The following CDKAL1 variants were observed in gnomAD, a reference collection of about 807,000 sequenced individuals.
CDKAL1 encodes the protein threonylcarbamoyladenosine tRNA methylthiotransferase.
CDKAL1 carries 32 observed loss-of-function variants against 68.2 expected under a neutral mutation model. The observed-to-expected ratio is 0.47, with a 90% confidence interval of 0.35 to 0.63. The LOEUF (loss-of-function observed/expected upper bound fraction) is 0.63. Among genes scored for constraint, CDKAL1 ranks in the 30% least tolerant of loss-of-function variants. The pLI, the probability that CDKAL1 is intolerant of heterozygous loss-of-function variation, is 0.00. For missense variants in CDKAL1, 606 were observed against 696.7 expected (o/e 0.87, Z 1.47); for synonymous variants, 234 against 244.3 (o/e 0.96, Z 0.39).
chr6:21,160,636 G>C (rs1406341177), intron 13 of CDKAL1, among the ~76,000 whole-genome samples: 3 of 123,324 alleles, frequency 2.4e-5, no homozygotes, highest in African/African-American at 6.0e-5. Flanking sequence ...TTTGGACACA[G>C]ACACACACAC....
intron 12 of CDKAL1, among the ~76,000 whole-genome samples, chr6:21,065,877 G>T (rs572257858): frequency 9.9e-5 from 15 of 151,658 alleles, no homozygotes; most frequent in African/African-American, 3.6e-4. Context: ...GGCTGAATAC[G>T]GGCAAATGTA....
chr6:21,203,138 C>A (rs1778755394), intron 15 of CDKAL1, among the ~76,000 whole-genome samples: 1 of 151,114 alleles, frequency 6.6e-6, no homozygotes, highest in African/African-American at 2.4e-5. Flanking sequence ...CAAACTCTGC[C>A]TCCTGGGCGC....
intron 7 of CDKAL1, among the ~76,000 whole-genome samples, chr6:20,768,734 A>T (rs561245827): frequency 2.8e-4 from 43 of 152,038 alleles, no homozygotes; most frequent in African/African-American, 9.6e-4. Flanking sequence ...GAGCATGTTT[A>T]TTTTCAGGAC....
At chr6:21,084,760 G>A (rs979016740) in intron 12 of CDKAL1, among the ~76,000 whole-genome samples, 1 of 152,198 alleles carries the variant, frequency 6.6e-6, no homozygotes, top group African/African-American at 2.4e-5. Flanking sequence ...AATTCCAGTT[G>A]GTTTTGGAAT....
At chr6:20,966,905 G>T (rs1048217302) in intron 10 of CDKAL1, among the ~76,000 whole-genome samples, 1 of 151,672 alleles carries the variant, frequency 6.6e-6, no homozygotes, top group Non-Finnish European at 1.5e-5. Flanking sequence ...TTATTTTTTT[G>T]TTGTTGTTTC....
chr6:21,006,083 C>T (rs1046461664), intron 11 of CDKAL1, among the ~76,000 whole-genome samples: 1 of 152,112 alleles, frequency 6.6e-6, no homozygotes, highest in African/African-American at 2.4e-5. Context: ...ACCTACTTTT[C>T]CAGTCTATCT....
rs139634089 is a variant in CDKAL1, at chr6:20,970,593, G to A, written c.909+15008G>A. Among the ~76,000 whole-genome samples the A allele has an allele frequency of 3.9e-3, 593 of 152,266 alleles. 2 individuals carry two copies. The highest frequency in any genetic ancestry group is 6.8e-3 in the Non-Finnish European group (460 of 68,008). ...TTCTTGCTTAATTTTTGTGCTGCAT[G>A]TCAAAGGTGCATCAATCACTTATGG... On this transcript the variant is annotated intron_variant, in intron 10 of 15. Transcript: ENST00000274695.
At chr6:20,921,731 C>T (rs928369198) in intron 9 of CDKAL1, among the ~76,000 whole-genome samples, 1 of 152,110 alleles carries the variant, frequency 6.6e-6, no homozygotes, top group East Asian at 1.9e-4. Context: ...ATTTCATTGC[C>T]TATTGGTGAT....
intron 13 of CDKAL1, among the ~76,000 whole-genome samples, chr6:21,153,776 G>T (rs1776522126): frequency 6.6e-6 from 1 of 152,114 alleles, no homozygotes; most frequent in Non-Finnish European, 1.5e-5. Context: ...AGTTTTAAGT[G>T]GTTTGCATTT....
At chr6:21,196,765 G>T (rs1778484344) in intron 13 of CDKAL1, among the ~76,000 whole-genome samples, 1 of 152,084 alleles carries the variant, frequency 6.6e-6, no homozygotes, top group Admixed American at 6.6e-5. Flanking sequence ...TTAATTTGGG[G>T]GGGTCATAAT....
At chr6:21,082,874 G>GT (rs71540612) in intron 12 of CDKAL1, among the ~76,000 whole-genome samples, 46,642 of 129,122 alleles carry the variant, frequency 0.36, 8,723 homozygotes, top group East Asian at 0.5. Flanking sequence ...TGTTTCTTTT[G>GT]TTTTTTTTTT....
chr6:21,191,189 C>T (rs923574884), intron 13 of CDKAL1, among the ~76,000 whole-genome samples: 1 of 152,150 alleles, frequency 6.6e-6, no homozygotes, highest in Non-Finnish European at 1.5e-5. Context: ...CTTATATAGC[C>T]TTGTAGAATA....
intron 8 of CDKAL1, among the ~76,000 whole-genome samples, chr6:20,791,278 A>C (rs1289859389): frequency 6.6e-6 from 1 of 152,224 alleles, no homozygotes; most frequent in African/African-American, 2.4e-5. Context: ...AATGCCTGGC[A>C]CATAGTATCT....
intron 4 of CDKAL1, among the ~76,000 whole-genome samples, chr6:20,570,249 G>GT (rs1300683809): frequency 2.0e-5 from 3 of 148,448 alleles, no homozygotes; most frequent in Non-Finnish European, 4.5e-5. Flanking sequence ...GACTACAGGC[G>GT]TATGACACCA....
intron 8 of CDKAL1, among the ~76,000 whole-genome samples, chr6:20,806,160 C>CA (rs943257197): frequency 1.3e-5 from 2 of 152,166 alleles, no homozygotes; most frequent in Admixed American, 6.5e-5. Context: ...AAGTAGCCCC[C>CA]AGTGTCTGTT....
Position 20,895,489 on chromosome 6 carries a change from T to C in CDKAL1, c.742+49311T>C, listed in dbSNP as rs78933676. On this transcript the variant is annotated intron_variant, in intron 9 of 15. Coordinates refer to ENST00000274695, the MANE Select transcript of CDKAL1 (RefSeq NM_017774.3). The stretch of plus-strand genomic sequence containing the variant: ...CCATTTCCCCATACGCTTGCTCAGC[T>C]ATTCATTTTTAGAATTCAGAATCTA... Among the ~76,000 whole-genome samples, 401 of 152,326 alleles carry C rather than the reference T, an allele frequency of 2.6e-3. 1 individual carries two copies. In the East Asian group the frequency reaches 0.029, roughly 11 times the overall value.
intron 9 of CDKAL1, among the ~76,000 whole-genome samples, chr6:20,940,982 C>T (rs6927419): frequency 0.46 from 70,232 of 151,630 alleles, 17,946 homozygotes; most frequent in East Asian, 0.64. Flanking sequence ...CCCAGCTACT[C>T]GGGAGGCTGA....
At chr6:20,760,033 T>C (rs1774395764) in intron 7 of CDKAL1, among the ~76,000 whole-genome samples, 1 of 152,168 alleles carries the variant, frequency 6.6e-6, no homozygotes, top group African/African-American at 2.4e-5. Flanking sequence ...TAATTTTGAA[T>C]CATTGCCTTA....
intron 5 of CDKAL1, among the ~76,000 whole-genome samples, chr6:20,718,417 T>C (rs1382402139): frequency 6.6e-6 from 1 of 152,186 alleles, no homozygotes; most frequent in Non-Finnish European, 1.5e-5. Context: ...ACTCTTGTTT[T>C]TCATCTTACA....
Sources: allele counts gnomAD v4.1 joint callset (sites outside exome capture counted in the v4.1 genomes callset), GRCh38; gene constraint gnomAD v4.1.1; transcripts MANE v1.5; gene names NCBI Gene and HGNC (gene_info 2026-07-23, HGNC 2026-07-21).